Variants in GRK7 observed in about 807,000 individuals in gnomAD.
GRK7 encodes G protein-coupled receptor kinase 7.
A neutral mutation model predicts 34.1 loss-of-function variants in GRK7; 24 were observed. The ratio of observed to expected loss-of-function variants is 0.70; its 90% CI spans 0.51 to 0.99. GRK7 has a LOEUF of 0.99. GRK7 is among the 50% of genes least tolerant of loss of function. GRK7 has a pLI of 0.00. For missense variants in GRK7, 644 were observed against 707.3 expected, an observed-to-expected ratio of 0.91 and a Z score of 1.02; for synonymous variants, 256 against 279.4, an observed-to-expected ratio of 0.92 and a Z score of 0.84.
intron 2 of GRK7, among the ~76,000 whole-genome samples, chr3:141,776,511 C>T (rs1169693112): frequency 1.3e-5 from 2 of 152,100 alleles, no homozygotes; most frequent in Non-Finnish European, 2.9e-5. Flanking sequence ...TCCAACATTT[C>T]CCGTGTTGGT....
chr3:141,756,665 A>T, the GRK7 span, among the ~76,000 whole-genome samples: 1 of 152,094 alleles, frequency 6.6e-6, no homozygotes, highest in Non-Finnish European at 1.5e-5. Flanking sequence ...TAAAACCTGA[A>T]TTTTTTTTAA....
intron 5 of GRK7, among the ~76,000 whole-genome samples, chr3:141,812,193 A>C (rs1711099714): frequency 6.6e-6 from 1 of 152,170 alleles, no homozygotes; most frequent in African/African-American, 2.4e-5. Context: ...GTGGGGTTCC[A>C]TAGTACGAGA....
At chr3:141,807,090 A>C (rs2107893579) in intron 4 of GRK7, among the ~76,000 whole-genome samples, 1 of 152,276 alleles carries the variant, frequency 6.6e-6, no homozygotes, top group East Asian at 1.9e-4. Context: ...TTAAAATGAC[A>C]GTGTTAATTA....
At chr3:141,781,045 T>A (rs558133504) in intron 4 of GRK7, among the ~76,000 whole-genome samples, 1 of 152,132 alleles carries the variant, frequency 6.6e-6, no homozygotes, top group South Asian at 2.1e-4. Flanking sequence ...GCCTCCTTTG[T>A]GAGTTGGGGA....
rs1234270444 is a variant in GRK7 at position 141,764,761 on chromosome 3, G to A, written c.-1192G>A. On this transcript the variant is annotated 5_prime_UTR_variant, in exon 1 of 6. Transcript: ENST00000682958. ...AAGACCTCAGTTTGGCTGTCTCCCT[G>A]GCAGGTCAAATTTAACAGGTACAAG... 6.6e-6 allele frequency among the ~76,000 whole-genome samples: 1 copy of A among 152,056 alleles called. No homozygotes were observed. Among genetic ancestry groups the A allele is most frequent in the Non-Finnish European group, 1.5e-5 (1 of 68,018 alleles).
intron 4 of GRK7, among the ~76,000 whole-genome samples, chr3:141,795,884 T>C (rs1315963180): frequency 6.6e-6 from 1 of 151,944 alleles, no homozygotes; most frequent in Non-Finnish European, 1.5e-5. Context: ...GGCTTGCACA[T>C]TGTCTAATGG....
At chr3:141,803,299 G>T (rs184145844) in intron 4 of GRK7, among the ~76,000 whole-genome samples, 214 of 151,166 alleles carry the variant, frequency 1.4e-3, no homozygotes, top group African/African-American at 5.0e-3. Flanking sequence ...AGGCGTGGTG[G>T]TGCACGCCTG....
At chr3:141,783,947 G>C (rs913765711) in intron 4 of GRK7, among the ~76,000 whole-genome samples, 2 of 152,150 alleles carry the variant, frequency 1.3e-5, no homozygotes, top group Non-Finnish European at 2.9e-5. Flanking sequence ...TGTCTGCCTA[G>C]GCTGGAGAAA....
At position 141,778,930 on chromosome 3, in the gene GRK7, A is replaced by G; in HGVS notation, c.612+34A>G. 2 of 1,569,828 alleles carry G rather than the reference A, an allele frequency of 1.3e-6. No individual in the cohort carries two copies. Among genetic ancestry groups the G allele is most frequent in the Non-Finnish European group, 1.7e-6 (2 of 1,162,614 alleles). On this transcript the variant is annotated intron_variant, in intron 3 of 5. Coordinates refer to ENST00000682958, the MANE Select transcript of GRK7 (RefSeq NM_139209.3). This position sits in a 1 kb window ranked among gnomAD's most constrained non-coding sequence, Gnocchi z 4.1. ...CTCCCAGTAGCCAGGCTAGAAGGTG[A>G]AGCATAGAGCATGAAAGGGGGTAAT...
rs2084574066 is a variant in GRK7 at position 141,765,065 on chromosome 3, C to G, written c.-888C>G. Among the ~76,000 whole-genome samples the G allele has an allele frequency of 6.6e-6, 1 of 152,202 alleles. No individual in the cohort carries two copies. The highest frequency in any genetic ancestry group is 2.1e-4 in the South Asian group (1 of 4,834). Reference sequence around the variant, plus strand: ...ATGTCCATCTGATTGTTGAAAACTTCCAGTGGCTTTCCATCTCACTCAGAA... The same window carrying G: ...ATGTCCATCTGATTGTTGAAAACTTGCAGTGGCTTTCCATCTCACTCAGAA... On this transcript the variant is annotated 5_prime_UTR_variant, in exon 1 of 6. Coordinates refer to ENST00000682958, the MANE Select transcript of GRK7 (RefSeq NM_139209.3).
At chr3:141,796,407 C>T (rs1710879629) in intron 4 of GRK7, among the ~76,000 whole-genome samples, 1 of 152,222 alleles carries the variant, frequency 6.6e-6, no homozygotes, top group Admixed American at 6.5e-5. Flanking sequence ...ACTTGGTAGG[C>T]ACTCAAGAAA....
At chr3:141,797,771 C>G (rs1335357471) in intron 4 of GRK7, among the ~76,000 whole-genome samples, 1 of 152,100 alleles carries the variant, frequency 6.6e-6, no homozygotes, top group Admixed American at 6.6e-5. Flanking sequence ...CAGCCTGGCC[C>G]GGCCACCCCA....
Position 141,804,203 on chromosome 3 carries a change from A to G in GRK7, c.1051-3442A>G, listed in dbSNP as rs78868873. Among the ~76,000 whole-genome samples the G allele has an allele frequency of 1.3e-4, 20 of 152,230 alleles. No individual in the cohort carries two copies. In the East Asian group the frequency reaches 3.9e-3, roughly 29 times the overall value. On this transcript the variant is annotated intron_variant, in intron 4 of 5. Transcript: ENST00000682958. ...CACCTTCAGCTTGCACACCTCTCAA[A>G]TAAAGCTCATATCACTATCCTGTGT...
intron 5 of GRK7, among the ~76,000 whole-genome samples, chr3:141,813,301 T>A (rs1054013574): frequency 1.3e-5 from 2 of 152,090 alleles, no homozygotes; most frequent in Non-Finnish European, 2.9e-5. Context: ...AATTTTTGTA[T>A]TTTTTAGTAG....
intron 4 of GRK7, among the ~76,000 whole-genome samples, chr3:141,785,113 TA>T (rs2084689135): frequency 6.6e-6 from 1 of 152,196 alleles, no homozygotes; most frequent in African/African-American, 2.4e-5. Flanking sequence ...GAAAACAAGT[TA>T]AGACAGAAGA....
chr3:141,810,247 T>A (rs1381319716), intron 5 of GRK7, among the ~76,000 whole-genome samples: 7 of 151,528 alleles, frequency 4.6e-5, no homozygotes, highest in Non-Finnish European at 8.8e-5. Flanking sequence ...CTAAATTAAA[T>A]CAATCAATCT....
intron 4 of GRK7, 113 bp downstream of exon 4, chr3:141,780,924 T>C: frequency 1.1e-6 from 1 of 937,896 alleles, no homozygotes; most frequent in East Asian, 2.6e-5. Context: ...TTTGGTTTTT[T>C]TTCCTAAAGC....
In GRK7 at chr3:141,772,660, T is replaced by C. The variant is rs142817980; in HGVS notation, c.-214-1920T>C. 3.2e-3 allele frequency among the ~76,000 whole-genome samples: 490 copies of C among 152,302 alleles called. 5 individuals carry two copies. Among genetic ancestry groups the C allele is most frequent in the African/African-American group, 0.01 (425 of 41,568 alleles). On this transcript the variant is annotated intron_variant, in intron 1 of 5. Coordinates refer to ENST00000682958, the MANE Select transcript of GRK7 (RefSeq NM_139209.3). ...AGAGAAAACTTTAAAATTGAGAACATGTACACCATTAATAATGCTTTAAAT... is the reference window on the plus strand; with the variant it reads ...AGAGAAAACTTTAAAATTGAGAACACGTACACCATTAATAATGCTTTAAAT...
Position 141,789,656 on chromosome 3 carries a change from C to CAAA in GRK7, c.1050+8857_1050+8859dup, listed in dbSNP as rs60765509. On this transcript the variant is annotated intron_variant, in intron 4 of 5. Transcript: ENST00000682958. ...AGATGGGGACTGGATGCCAAATGGGCAAAAAAAAAAAAAACACAAAACAGT... is the reference window on the plus strand; with the variant it reads ...AGATGGGGACTGGATGCCAAATGGGCAAAAAAAAAAAAAAAAACACAAAACAGT... 1.2e-4 allele frequency among the ~76,000 whole-genome samples: 14 copies of CAAA among 119,232 alleles called. 1 individual carries two copies. The highest frequency in any genetic ancestry group is 3.5e-4 in the African/African-American group (10 of 28,652). The allele number at this position is 119,232 out of a possible 152,430, so 78.2% of individuals were successfully genotyped here.
Sources: gnomAD v4.1 joint callset for allele counts (sites outside exome capture counted in the v4.1 genomes callset) on GRCh38, gnomAD v4.1.1 for gene constraint, Gnocchi (gnomAD v3.1) non-coding constraint, MANE v1.5 for transcripts, NCBI Gene and HGNC (gene_info 2026-07-23, HGNC 2026-07-21) for gene names.